SAMD5: variants seen among roughly 807,000 people sequenced by gnomAD.
SAMD5 encodes the protein sterile alpha motif domain containing 5.
Under a neutral mutation model 11.3 loss-of-function variants are expected in SAMD5, and 13 were observed. The observed-to-expected ratio is 1.15, with a 90% CI of 0.75 to 1.83. The LOEUF (loss-of-function observed/expected upper bound fraction) is 1.83. Ranked by LOEUF, SAMD5 falls within the 40% of genes most tolerant of loss-of-function variation. SAMD5 has a pLI of 0.00. For synonymous variants in SAMD5, 129 were observed against 111.3 expected (o/e 1.16, Z -1.00); for missense variants, 255 against 239.1 (o/e 1.07, Z -0.44).
At chr6:147,911,646 A>G in the SAMD5 span, among the ~76,000 whole-genome samples, 58 of 152,264 alleles carry the variant, frequency 3.8e-4, no homozygotes, top group African/African-American at 1.1e-3. Flanking sequence ...ATTCTAGGAG[A>G]TCTGCACAGA....
the SAMD5 span, among the ~76,000 whole-genome samples, chr6:147,896,126 GA>G: frequency 1.1e-4 from 17 of 152,200 alleles, no homozygotes; most frequent in Non-Finnish European, 2.4e-4. Flanking sequence ...GGACTTTGGG[GA>G]ACTTTGCTAT....
chr6:147,861,899 G>C, the SAMD5 span, among the ~76,000 whole-genome samples: 2 of 152,180 alleles, frequency 1.3e-5, no homozygotes, highest in Non-Finnish European at 2.9e-5. Context: ...ACACTGAGGT[G>C]AGAGCAGCCC....
the SAMD5 span, among the ~76,000 whole-genome samples, chr6:147,797,676 C>T: frequency 2.1e-5 from 3 of 140,950 alleles, no homozygotes; most frequent in African/African-American, 5.6e-5. Flanking sequence ...TGGTAGAATT[C>T]GGCTGTGAAT....
At chr6:147,929,072 T>C in the SAMD5 span, among the ~76,000 whole-genome samples, 2 of 152,114 alleles carry the variant, frequency 1.3e-5, no homozygotes, top group East Asian at 3.9e-4. Context: ...TTGTTTTTCA[T>C]GGTAGTCTTT....
the SAMD5 span, among the ~76,000 whole-genome samples, chr6:147,781,772 GCACACACACACACACACA>G: frequency 1.1e-3 from 168 of 146,352 alleles, 2 homozygotes; most frequent in South Asian, 0.021. Context: ...ATTTGTGTGC[GCACACACACACACACACA>G]CACACACACA....
the SAMD5 span, among the ~76,000 whole-genome samples, chr6:147,917,401 G>T: frequency 6.6e-6 from 1 of 151,118 alleles, no homozygotes; most frequent in Non-Finnish European, 1.5e-5. Flanking sequence ...TTTTGATGGG[G>T]TTGTTTGTTT....
At chr6:147,682,456 A>G (rs12663792) in intron 1 of SAMD5, among the ~76,000 whole-genome samples, 10,596 of 152,142 alleles carry the variant, frequency 0.07, 580 homozygotes, top group East Asian at 0.22. Context: ...TCTGGTCACT[A>G]CTAATCTCTG....
the SAMD5 span, among the ~76,000 whole-genome samples, chr6:147,789,995 C>T: frequency 6.6e-6 from 1 of 152,264 alleles, no homozygotes; most frequent in East Asian, 1.9e-4. Flanking sequence ...GGTGGGAGTG[C>T]AAAATGATGC....
At chr6:147,624,070 A>T (rs938057171) in intron 1 of SAMD5, among the ~76,000 whole-genome samples, 11 of 152,088 alleles carry the variant, frequency 7.2e-5, no homozygotes, top group Non-Finnish European at 1.3e-4. Flanking sequence ...GGGTTTTGCC[A>T]TGTTGGCCAG....
the SAMD5 span, among the ~76,000 whole-genome samples, chr6:147,879,358 A>C: frequency 6.6e-6 from 1 of 152,146 alleles, no homozygotes; most frequent in African/African-American, 2.4e-5. Context: ...GAGAGCAGAG[A>C]TGAGCGTGAT....
chr6:147,712,583 G>A (rs893953057), intron 1 of SAMD5, among the ~76,000 whole-genome samples: 7 of 152,156 alleles, frequency 4.6e-5, no homozygotes, highest in Non-Finnish European at 1.0e-4. Context: ...GGGCCTTTGG[G>A]AGACAAATAA....
chr6:147,563,217 T>C (rs373612235), intron 1 of SAMD5, among the ~76,000 whole-genome samples: 2 of 152,192 alleles, frequency 1.3e-5, no homozygotes, highest in Admixed American at 6.5e-5. Context: ...AGCTAACATA[T>C]TGCCGTCAGC....
At chr6:147,597,899 G>T (rs1449763372) in intron 1 of SAMD5, among the ~76,000 whole-genome samples, 1 of 152,042 alleles carries the variant, frequency 6.6e-6, no homozygotes, top group Non-Finnish European at 1.5e-5. Context: ...CCTAGATACT[G>T]CCCAGATAGA....
At chr6:147,895,768 T>C in the SAMD5 span, among the ~76,000 whole-genome samples, 1 of 152,064 alleles carries the variant, frequency 6.6e-6, no homozygotes, top group African/African-American at 2.4e-5. Flanking sequence ...CATTAGAAAA[T>C]CAAGTGGCCT....
At chr6:147,780,248 C>G in the SAMD5 span, among the ~76,000 whole-genome samples, 2 of 151,904 alleles carry the variant, frequency 1.3e-5, no homozygotes, top group Non-Finnish European at 2.9e-5. Flanking sequence ...TCACCTGTCC[C>G]CCAGGCTGGA....
the SAMD5 span, among the ~76,000 whole-genome samples, chr6:147,770,775 T>A: frequency 2.6e-5 from 4 of 152,226 alleles, no homozygotes; most frequent in African/African-American, 4.8e-5. Context: ...ATGAACATCT[T>A]TTAAAAAATA....
chr6:147,774,672 T>A, the SAMD5 span, among the ~76,000 whole-genome samples: 1 of 151,858 alleles, frequency 6.6e-6, no homozygotes, highest in Admixed American at 6.6e-5. Flanking sequence ...TGTAGAAGAG[T>A]GGAGGGATTT....
chr6:147,550,665 AC>A (rs1788755780), intron 1 of SAMD5, among the ~76,000 whole-genome samples: 1 of 151,460 alleles, frequency 6.6e-6, no homozygotes. Flanking sequence ...GAAAGTCAAA[AC>A]CAGCATGTTC....
the SAMD5 span, among the ~76,000 whole-genome samples, chr6:147,867,337 T>C: frequency 8.0e-5 from 12 of 149,770 alleles, no homozygotes; most frequent in African/African-American, 2.2e-4. Flanking sequence ...CTCTAAAATA[T>C]GCCACCTGTG....
Sources: allele counts gnomAD v4.1 joint callset (sites outside exome capture counted in the v4.1 genomes callset), GRCh38; gene constraint gnomAD v4.1.1; transcripts MANE v1.5; gene names NCBI Gene and HGNC (gene_info 2026-07-23, HGNC 2026-07-21).